The following SPACA7 variants were observed in gnomAD, a reference collection of about 807,000 sequenced individuals.
The protein encoded by SPACA7 is sperm acrosome associated 7.
In SPACA7, 19 loss-of-function variants were observed where a neutral mutation model predicts 26.3. The observed-to-expected ratio is 0.72, with a 90% confidence interval of 0.50 to 1.06. The LOEUF (loss-of-function observed/expected upper bound fraction) is 1.06, where lower values mean the gene tolerates loss of function less well. SPACA7 is among the 50% of genes least tolerant of loss of function. The pLI, the probability that SPACA7 is intolerant of heterozygous loss-of-function variation, is 0.00. For synonymous variants in SPACA7, 84 were observed against 84.5 expected (o/e 0.99, Z 0.04); for missense variants, 211 against 229.9 (o/e 0.92, Z 0.53).
intron 1 of SPACA7, among the ~76,000 whole-genome samples, chr13:112,379,492 A>C (rs1883906394): frequency 6.6e-6 from 1 of 152,224 alleles, no homozygotes; most frequent in Non-Finnish European, 1.5e-5. Flanking sequence ...GACATACAAC[A>C]TTACAAGACA....
intron 5 of SPACA7, among the ~76,000 whole-genome samples, chr13:112,402,943 C>G (rs933016979): frequency 1.1e-4 from 17 of 151,928 alleles, no homozygotes; most frequent in Non-Finnish European, 1.9e-4. Context: ...TGACTCTAGT[C>G]TATGGTTGGG....
intron 5 of SPACA7, among the ~76,000 whole-genome samples, chr13:112,401,591 A>C (rs1427425180): frequency 1.2e-4 from 19 of 152,194 alleles, no homozygotes; most frequent in Admixed American, 1.2e-3. Context: ...CATGCAAAAA[A>C]AGTCAATTTT....
chr13:112,404,737 C>T (rs944519866), intron 5 of SPACA7, among the ~76,000 whole-genome samples: 78 of 152,174 alleles, frequency 5.1e-4, no homozygotes, highest in African/African-American at 1.7e-3. Context: ...AAGGACTTGG[C>T]TTTATTTCTG....
intron 1 of SPACA7, among the ~76,000 whole-genome samples, chr13:112,381,581 G>A (rs1039115811): frequency 2.0e-5 from 3 of 151,944 alleles, no homozygotes; most frequent in Non-Finnish European, 2.9e-5. Context: ...AATTCTTCAA[G>A]ACAGGGGAAC....
chr13:112,426,975 T>G (rs1876596336), intron 5 of SPACA7, among the ~76,000 whole-genome samples: 1 of 152,172 alleles, frequency 6.6e-6, no homozygotes, highest in Admixed American at 6.5e-5. Flanking sequence ...GTGAAAGCAT[T>G]TGGTCATTTG....
At chr13:112,377,599 G>T (rs924733774) in intron 1 of SPACA7, among the ~76,000 whole-genome samples, 4 of 152,174 alleles carry the variant, frequency 2.6e-5, no homozygotes, top group African/African-American at 4.8e-5. Context: ...AAGACTAGGG[G>T]ATTTCCACTA....
chr13:112,418,116 T>C (rs1886807571), intron 5 of SPACA7, among the ~76,000 whole-genome samples: 1 of 152,184 alleles, frequency 6.6e-6, no homozygotes, highest in African/African-American at 2.4e-5. Flanking sequence ...TTGCCAACGT[T>C]GAAAACTATA....
At chr13:112,428,018 T>G (rs570901892) in intron 5 of SPACA7, among the ~76,000 whole-genome samples, 1 of 152,198 alleles carries the variant, frequency 6.6e-6, no homozygotes, top group East Asian at 1.9e-4. Context: ...TTTTTAATTA[T>G]AGTGATTTCT....
At chr13:112,388,710 A>C (rs1470109744) in intron 1 of SPACA7, among the ~76,000 whole-genome samples, 1 of 152,270 alleles carries the variant, frequency 6.6e-6, no homozygotes, top group African/African-American at 2.4e-5. Flanking sequence ...ATAGAGAAAG[A>C]GTAATTCACC....
chr13:112,386,041 C>T (rs931023830), intron 1 of SPACA7, among the ~76,000 whole-genome samples: 2 of 152,152 alleles, frequency 1.3e-5, no homozygotes, highest in Admixed American at 1.3e-4. Flanking sequence ...ATTAAGGGTG[C>T]CATTTTATAC....
At chr13:112,415,176 G>T (rs535332732) in intron 5 of SPACA7, among the ~76,000 whole-genome samples, 1 of 152,140 alleles carries the variant, frequency 6.6e-6, no homozygotes, top group Non-Finnish European at 1.5e-5. Context: ...CATAGCAGAC[G>T]GAATCTCTCT....
At chr13:112,401,019 G>A in intron 4 of SPACA7, 50 bp from the exon 5 acceptor site, 1 of 1,325,356 alleles carries the variant, frequency 7.5e-7, no homozygotes. Context: ...GTGCTTATAA[G>A]TGTGTAATCA....
At position 112,432,359 on chromosome 13, in the gene SPACA7, C is replaced by T. The variant is rs77554145; in HGVS notation, c.446-85C>T. The T allele has an allele frequency of 9.3e-3, 10,473 of 1,123,522 alleles. 59 individuals are homozygous for T. The highest frequency in any genetic ancestry group is 0.011 in the Non-Finnish European group (8,527 of 746,066). The allele number at this position is 1,123,522 out of a possible 1,614,324, so 69.6% of individuals were successfully genotyped here. A position where few individuals can be genotyped will look rare whatever the true frequency, so the allele number is the denominator to read the frequency against. ...TGGGTGCTGCTTTGCTCAGCGCTTACGGCTCCCTGAAGTTAAAGGAAAAGT... is the reference window on the plus strand; with the variant it reads ...TGGGTGCTGCTTTGCTCAGCGCTTATGGCTCCCTGAAGTTAAAGGAAAAGT... On this transcript the variant is annotated intron_variant, in intron 5 of 6. Coordinates refer to ENST00000283550, the MANE Select transcript of SPACA7 (RefSeq NM_145248.5).
At chr13:112,434,364 C>A in intron 6 of SPACA7, 121 bp from the exon 7 acceptor site, 1 of 801,276 alleles carries the variant, frequency 1.2e-6, no homozygotes, top group Non-Finnish European at 2.1e-6. Flanking sequence ...CAGGGCTCTC[C>A]CCTCCCTCCA....
chr13:112,433,310 G>A (rs186713379), intron 6 of SPACA7, among the ~76,000 whole-genome samples: 4,803 of 148,096 alleles, frequency 0.032, 20 homozygotes, highest in Middle Eastern at 0.059. Flanking sequence ...TTCATAGCCC[G>A]AGCACAGAGC....
chr13:112,430,010 G>T (rs898494837), intron 5 of SPACA7, among the ~76,000 whole-genome samples: 1 of 152,140 alleles, frequency 6.6e-6, no homozygotes, highest in Admixed American at 6.5e-5. Context: ...TTTTTAAAAT[G>T]TTTTCTGACA....
Position 112,397,122 on chromosome 13 carries a change from CT to C in SPACA7, c.152-921del, listed in dbSNP as rs111594550. 1.6e-3 allele frequency among the ~76,000 whole-genome samples: 246 copies of C among 152,328 alleles called. 2 individuals carry two copies. Among genetic ancestry groups the C allele is most frequent in the African/African-American group, 5.0e-3 (208 of 41,558 alleles). On this transcript the variant is annotated intron_variant, in intron 2 of 6. Coordinates refer to ENST00000283550, the MANE Select transcript of SPACA7 (RefSeq NM_145248.5). ...GAGAAACCAAGAGCCCAGGACAAAG[CT>C]TTTTTATCGGTCGTATTGGTGACAT...
chr13:112,392,453 G>C (rs888214289), intron 1 of SPACA7, among the ~76,000 whole-genome samples: 2 of 152,184 alleles, frequency 1.3e-5, no homozygotes, highest in Admixed American at 1.3e-4. Context: ...GGAGGAGAAA[G>C]GGGGGTGGCC....
intron 5 of SPACA7, among the ~76,000 whole-genome samples, chr13:112,409,307 A>G (rs1886192756): frequency 2.0e-5 from 3 of 152,250 alleles, no homozygotes; most frequent in Non-Finnish European, 4.4e-5. Context: ...AGGCATGGGC[A>G]AGGACTTCAG....
Sources: allele counts gnomAD v4.1 joint callset (sites outside exome capture counted in the v4.1 genomes callset), GRCh38; gene constraint gnomAD v4.1.1; transcripts MANE v1.5; gene names NCBI Gene and HGNC (gene_info 2026-07-23, HGNC 2026-07-21).